The following MYO3B variants were observed in gnomAD, a reference collection of about 807,000 sequenced individuals.
MYO3B encodes the protein myosin IIIB, also known as myosin-IIIb.
In MYO3B, 156 loss-of-function variants were observed where a neutral mutation model predicts 174.6. The observed-to-expected ratio is 0.89, with a 90% CI of 0.78 to 1.02. The LOEUF (loss-of-function observed/expected upper bound fraction) is 1.02, where lower values mean the gene tolerates loss of function less well. MYO3B is among the 50% of genes least tolerant of loss of function. The pLI is 0.00. For missense variants in MYO3B, 1,632 were observed against 1,639.4 expected (o/e 1.00, Z 0.08); for synonymous variants, 563 against 569.1 (o/e 0.99, Z 0.15).
At chr2:170,258,569 T>A (rs1157991516) in intron 7 of MYO3B, among the ~76,000 whole-genome samples, 2 of 151,906 alleles carry the variant, frequency 1.3e-5, no homozygotes, top group African/African-American at 4.8e-5. Flanking sequence ...CTGAAAATAA[T>A]GAGTCATCTA....
intron 32 of MYO3B, among the ~76,000 whole-genome samples, chr2:170,633,217 C>T (rs1345758991): frequency 6.6e-6 from 1 of 152,188 alleles, no homozygotes; most frequent in African/African-American, 2.4e-5. Flanking sequence ...ATGCAGAAAT[C>T]CTCAATAAAA....
chr2:170,633,656 A>G (rs569811589), intron 32 of MYO3B, among the ~76,000 whole-genome samples: 9 of 152,346 alleles, frequency 5.9e-5, no homozygotes, highest in Admixed American at 1.3e-4. Flanking sequence ...AACGGTATTC[A>G]GTTAGGAAAA....
At chr2:170,479,612 TTA>T (rs1685552522) in intron 25 of MYO3B, among the ~76,000 whole-genome samples, 1 of 146,482 alleles carries the variant, frequency 6.8e-6, no homozygotes, top group Non-Finnish European at 1.5e-5. Context: ...TTTATATCTA[TTA>T]TATATAAATA....
intron 32 of MYO3B, among the ~76,000 whole-genome samples, chr2:170,569,181 G>C (rs1419639187): frequency 6.6e-6 from 1 of 151,970 alleles, no homozygotes; most frequent in African/African-American, 2.4e-5. Flanking sequence ...ACTACTCCAG[G>C]GAACAAGAGA....
chr2:170,567,898 A>G (rs540147755), intron 32 of MYO3B, among the ~76,000 whole-genome samples: 53 of 152,362 alleles, frequency 3.5e-4, no homozygotes, highest in Non-Finnish European at 6.6e-4. Context: ...CCATCTAACA[A>G]CTTTTTAAAG....
At chr2:170,342,088 A>C (rs1331128577) in intron 8 of MYO3B, 1 of 152,220 alleles carries the variant, frequency 6.6e-6, no homozygotes, top group African/African-American at 2.4e-5. Context: ...AGGCATAGTA[A>C]CGTGGGTAAT....
Position 170,543,951 on chromosome 2 carries a change from G to T in MYO3B, c.3696G>T (p.Gln1232His), listed in dbSNP as rs367962252. The T allele has an allele frequency of 2.5e-6, 4 of 1,613,146 alleles. No homozygotes were observed. The African/African-American group carries it at 4.0e-5, about 16-fold the overall frequency. ...GGATATGCCATCCTGCTCCAGATCAGCAAGGATTGAGTCTCTGGGGAGCCC... is the reference window on the plus strand; with the variant it reads ...GGATATGCCATCCTGCTCCAGATCATCAAGGATTGAGTCTCTGGGGAGCCC... ...SSRICHPAPD[Q>H]QGLSLWGAPQ... Residue 1232 changes from glutamine (Q) to histidine (H), a missense_variant, in exon 32 of 35, where the codon CAG (glutamine) becomes CAT (histidine). Coordinates refer to ENST00000408978, the MANE Select transcript of MYO3B (RefSeq NM_138995.5).
intron 28 of MYO3B, among the ~76,000 whole-genome samples, chr2:170,511,422 A>G (rs942271524): frequency 3.9e-5 from 6 of 152,188 alleles, no homozygotes; most frequent in Admixed American, 3.3e-4. Flanking sequence ...TTTGCTTCAC[A>G]GGAAACCAGA....
chr2:170,386,188 G>A lies in MYO3B; in HGVS notation c.1291-1G>A. 4 of 1,613,202 alleles carry A rather than the reference G, an allele frequency of 2.5e-6. No homozygotes were observed. Among genetic ancestry groups the A allele is most frequent in the Non-Finnish European group, 3.4e-6 (4 of 1,179,426 alleles). ...ACTTGACGCTCCATTTTCTGTGCCA[G>A]TGCATTGTCATCAGCGGAGAGAGTG... On this transcript the variant is annotated splice_acceptor_variant, in intron 12 of 34. Coordinates refer to ENST00000408978, the MANE Select transcript of MYO3B (RefSeq NM_138995.5). LOFTEE classifies it high-confidence loss of function.
intron 1 of MYO3B, among the ~76,000 whole-genome samples, chr2:170,190,891 T>G (rs1053866889): frequency 3.9e-5 from 6 of 151,924 alleles, no homozygotes; most frequent in African/African-American, 1.4e-4. Flanking sequence ...TGTCCTTTAC[T>G]CTTTTCTCTC....
chr2:170,414,907 G>A (rs1187988170), intron 22 of MYO3B, among the ~76,000 whole-genome samples: 1 of 152,094 alleles, frequency 6.6e-6, no homozygotes, highest in African/African-American at 2.4e-5. Flanking sequence ...TGACTTTTGT[G>A]TACTGACTTT....
intron 28 of MYO3B, among the ~76,000 whole-genome samples, chr2:170,503,816 T>C (rs1239227545): frequency 1.3e-5 from 2 of 152,156 alleles, no homozygotes; most frequent in Non-Finnish European, 1.5e-5. Context: ...AGAAGTAGTG[T>C]GGCAGCCAGA....
intron 22 of MYO3B, among the ~76,000 whole-genome samples, chr2:170,428,744 C>G (rs1215765077): frequency 6.6e-6 from 1 of 152,148 alleles, no homozygotes; most frequent in Non-Finnish European, 1.5e-5. Flanking sequence ...CTAGGTGAAG[C>G]TACATAGCCA....
chr2:170,297,471 C>T lies in MYO3B; in HGVS notation c.750-37914C>T, dbSNP rs187419253. On this transcript the variant is annotated intron_variant, in intron 7 of 34. Transcript: ENST00000408978. Reference sequence around the variant, plus strand: ...GATTGCCATAGTAACTCTGCTTTTCCCAGGAAGTAATTGAAAAAAGGCACA... The same window carrying T: ...GATTGCCATAGTAACTCTGCTTTTCTCAGGAAGTAATTGAAAAAAGGCACA... Among the ~76,000 whole-genome samples the T allele has an allele frequency of 2.0e-3, 310 of 152,088 alleles. 2 individuals carry two copies. Among genetic ancestry groups the T allele is most frequent in the African/African-American group, 7.4e-3 (306 of 41,466 alleles).
rs368320433 is a variant in MYO3B, at chr2:170,386,356, T to G, written c.1374+84T>G. 1.4e-3 allele frequency: 1,663 copies of G among 1,175,058 alleles called. 24 individuals carry two copies. The South Asian group carries it at 0.02, about 14-fold the overall frequency. 72.8% of individuals were successfully genotyped at this position (1,175,058 alleles called of 1,614,324 possible). A position where few individuals can be genotyped will look rare whatever the true frequency, so the allele number is the denominator to read the frequency against. On this transcript the variant is annotated intron_variant, in intron 13 of 34. Transcript: ENST00000408978. ...TTTGATAAATGATGGAAGTGCTGGG[T>G]TTTTTTTATTAAGGCTTACATAAAG...
intron 7 of MYO3B, among the ~76,000 whole-genome samples, chr2:170,289,946 A>T (rs2093584745): frequency 6.6e-6 from 1 of 151,984 alleles, no homozygotes; most frequent in Non-Finnish European, 1.5e-5. Context: ...TCTTAATTTC[A>T]TTGACCCATT....
At chr2:170,573,799 C>T (rs1692612969) in intron 32 of MYO3B, among the ~76,000 whole-genome samples, 1 of 152,094 alleles carries the variant, frequency 6.6e-6, no homozygotes, top group Admixed American at 6.6e-5. Context: ...ATAAGTGATC[C>T]TGCTTAAGAC....
At chr2:170,649,828 A>C (rs1698863770) in intron 32 of MYO3B, 1 of 140,152 alleles carries the variant, frequency 7.1e-6, no homozygotes, top group Non-Finnish European at 1.5e-5. Context: ...ATCTCAAAAA[A>C]AAAAAAAAAG....
chr2:170,387,178 A>G lies in MYO3B; in HGVS notation c.1447A>G (p.Thr483Ala). 1.9e-6 allele frequency: 3 copies of G among 1,614,164 alleles called. No homozygotes were observed. Among genetic ancestry groups the G allele is most frequent in the Non-Finnish European group, 2.5e-6 (3 of 1,180,010 alleles). The change falls in exon 14 of 35, where the codon ACT (threonine) becomes GCT (alanine). Residue 483 changes from threonine to alanine, a missense_variant. Physicochemically the swap from Thr to Ala is moderately conservative, Grantham distance 58. Transcript: ENST00000408978. The stretch of plus-strand genomic sequence containing the variant: ...GGTGGAAGCCTTTGGGAACTCATGC[A>G]CTGCCATCAATGACAACTCGAGCCG... ...SLVEAFGNSC[T>A]AINDNSSRFG...
Sources: gnomAD v4.1 joint callset for allele counts (sites outside exome capture counted in the v4.1 genomes callset) on GRCh38, gnomAD v4.1.1 for gene constraint, MANE v1.5 for transcripts, NCBI Gene and HGNC (gene_info 2026-07-23, HGNC 2026-07-21) for gene names.